The following SCHIP1 variants were observed in gnomAD, a reference collection of about 807,000 sequenced individuals.
SCHIP1 encodes schwannomin interacting protein 1.
In SCHIP1, 8 loss-of-function variants were observed where a neutral mutation model predicts 29.7. The ratio of observed to expected loss-of-function variants is 0.27; its 90% CI spans 0.16 to 0.49. SCHIP1 has a LOEUF of 0.49. Among genes scored for constraint, SCHIP1 ranks in the 20% least tolerant of loss-of-function variants. The pLI is 0.99. For synonymous variants in SCHIP1, 76 were observed against 94.9 expected, an observed-to-expected ratio of 0.80 and a Z score of 1.16; for missense variants, 193 against 294.6, an observed-to-expected ratio of 0.66 and a Z score of 2.52.
At chr3:159,491,476 G>A in the SCHIP1 span, among the ~76,000 whole-genome samples, 1 of 152,234 alleles carries the variant, frequency 6.6e-6, no homozygotes, top group Non-Finnish European at 1.5e-5. Context: ...CTGGCTTGGA[G>A]GGTCCTAGGC....
the SCHIP1 span, among the ~76,000 whole-genome samples, chr3:159,834,626 C>T: frequency 0.014 from 2,056 of 152,236 alleles, 39 homozygotes; most frequent in African/African-American, 0.047. Flanking sequence ...TTGAGCATTC[C>T]TCAACCCCAA....
At chr3:159,600,736 T>C in the SCHIP1 span, among the ~76,000 whole-genome samples, 1 of 152,220 alleles carries the variant, frequency 6.6e-6, no homozygotes, top group Non-Finnish European at 1.5e-5. Context: ...CATATTTCCT[T>C]GCTTTTTTCA....
At chr3:159,392,076 T>G in the SCHIP1 span, among the ~76,000 whole-genome samples, 39 of 152,292 alleles carry the variant, frequency 2.6e-4, no homozygotes, top group African/African-American at 9.1e-4. Flanking sequence ...TTTTTGGTGT[T>G]TGTTTGTTTT....
At chr3:159,423,447 G>C in the SCHIP1 span, among the ~76,000 whole-genome samples, 1 of 152,238 alleles carries the variant, frequency 6.6e-6, no homozygotes, top group Non-Finnish European at 1.5e-5. Flanking sequence ...ACGGAGTCTT[G>C]CTGATCACTA....
At chr3:159,859,377 A>G (rs1287406900) in intron 1 of SCHIP1, among the ~76,000 whole-genome samples, 3 of 152,254 alleles carry the variant, frequency 2.0e-5, no homozygotes, top group Non-Finnish European at 2.9e-5. Flanking sequence ...CTTCTGGTTC[A>G]TAATGTTTAA....
At chr3:159,430,646 C>A in the SCHIP1 span, among the ~76,000 whole-genome samples, 1 of 151,984 alleles carries the variant, frequency 6.6e-6, no homozygotes, top group African/African-American at 2.4e-5. Flanking sequence ...TTTTTTCTAC[C>A]CATCTAGACA....
chr3:159,546,080 G>A, the SCHIP1 span, among the ~76,000 whole-genome samples: 5 of 151,926 alleles, frequency 3.3e-5, no homozygotes. Context: ...ATATATGTTT[G>A]TTTACATGGT....
At chr3:159,639,962 A>G in the SCHIP1 span, among the ~76,000 whole-genome samples, 2 of 152,090 alleles carry the variant, frequency 1.3e-5, no homozygotes, top group African/African-American at 4.8e-5. Context: ...AATGGCAAAT[A>G]TTTTTGCTAT....
At chr3:159,749,565 C>A in the SCHIP1 span, among the ~76,000 whole-genome samples, 1 of 152,116 alleles carries the variant, frequency 6.6e-6, no homozygotes, top group African/African-American at 2.4e-5. Flanking sequence ...GGTTGCTGGG[C>A]ATTGTGTGCA....
chr3:159,572,105 T>C, the SCHIP1 span, among the ~76,000 whole-genome samples: 1 of 152,210 alleles, frequency 6.6e-6, no homozygotes, highest in Non-Finnish European at 1.5e-5. Context: ...TTGAAGGGTT[T>C]TTTTATGTCT....
At chr3:159,734,950 T>C in the SCHIP1 span, among the ~76,000 whole-genome samples, 5 of 152,192 alleles carry the variant, frequency 3.3e-5, no homozygotes, top group East Asian at 1.9e-4. Context: ...CCCAACTCAC[T>C]GGGAAACCCA....
At position 159,843,617 on chromosome 3, in the gene SCHIP1, G is replaced by C. The variant is rs553988251; in HGVS notation, c.30+3403G>C. 3.3e-5 allele frequency among the ~76,000 whole-genome samples: 5 copies of C among 151,866 alleles called. No homozygotes were observed. The South Asian group carries it at 1.0e-3, about 32-fold the overall frequency. On this transcript the variant is annotated intron_variant, in intron 1 of 6. Coordinates refer to ENST00000445224, the Ensembl canonical transcript of SCHIP1. Reference sequence around the variant, plus strand: ...CTGCGGATCACGAGGTCAGGAGATCGAGACCATCCTGGCTAACACAGTGAA... The same window carrying C: ...CTGCGGATCACGAGGTCAGGAGATCCAGACCATCCTGGCTAACACAGTGAA...
chr3:159,744,092 T>C, the SCHIP1 span, among the ~76,000 whole-genome samples: 1 of 151,996 alleles, frequency 6.6e-6, no homozygotes, highest in Admixed American at 6.5e-5. Context: ...GAAAAGGAAA[T>C]GTCATCAAGG....
At chr3:159,591,677 C>A in the SCHIP1 span, among the ~76,000 whole-genome samples, 1 of 151,984 alleles carries the variant, frequency 6.6e-6, no homozygotes, top group African/African-American at 2.4e-5. Flanking sequence ...AACAGAAAAC[C>A]AAACACCACA....
the SCHIP1 span, among the ~76,000 whole-genome samples, chr3:159,310,963 T>G: frequency 1.3e-5 from 2 of 152,142 alleles, no homozygotes; most frequent in African/African-American, 4.8e-5. Flanking sequence ...TGTGGAGATA[T>G]AGCAAAGGTG....
At chr3:159,277,863 C>T in the SCHIP1 span, among the ~76,000 whole-genome samples, 1 of 151,234 alleles carries the variant, frequency 6.6e-6, no homozygotes, top group Non-Finnish European at 1.5e-5. Context: ...TGCAATGAGT[C>T]GAGATCATAC....
chr3:159,822,569 A>T, the SCHIP1 span, among the ~76,000 whole-genome samples: 1 of 151,260 alleles, frequency 6.6e-6, no homozygotes. Context: ...TTACAGGCCA[A>T]AATTTTGCAG....
At chr3:159,814,236 C>G in the SCHIP1 span, among the ~76,000 whole-genome samples, 19,478 of 152,238 alleles carry the variant, frequency 0.13, 1,470 homozygotes, top group Middle Eastern at 0.29. Context: ...CCACTTTGAA[C>G]GCCCAGCCCC....
the SCHIP1 span, among the ~76,000 whole-genome samples, chr3:159,785,640 G>T: frequency 6.6e-6 from 1 of 151,406 alleles, no homozygotes; most frequent in Non-Finnish European, 1.5e-5. Flanking sequence ...TATGCTTGAG[G>T]TGTCAGATTC....
Sources: gnomAD v4.1 joint callset for allele counts (sites outside exome capture counted in the v4.1 genomes callset) on GRCh38, gnomAD v4.1.1 for gene constraint, MANE v1.5 for transcripts, NCBI Gene and HGNC (gene_info 2026-07-23, HGNC 2026-07-21) for gene names.